EFEMP1: variants seen among roughly 807,000 people sequenced by gnomAD.
EFEMP1 encodes the protein EGF-containing fibulin-like extracellular matrix protein 1.
Under a neutral mutation model 65.7 loss-of-function variants are expected in EFEMP1, and 18 were observed. That is an observed-to-expected ratio of 0.27 (90% confidence interval 0.19 to 0.41). The LOEUF is 0.41. EFEMP1 is among the 10% of genes least tolerant of loss of function. The pLI is 1.00. For missense variants in EFEMP1, 469 were observed against 624.8 expected, an observed-to-expected ratio of 0.75 and a Z score of 2.66; for synonymous variants, 237 against 219.7, an observed-to-expected ratio of 1.08 and a Z score of -0.70.
At chr2:55,876,232 T>G (rs1372986479) in intron 8 of EFEMP1, among the ~76,000 whole-genome samples, 2 of 152,066 alleles carry the variant, frequency 1.3e-5, no homozygotes, top group Non-Finnish European at 1.5e-5. Flanking sequence ...GAAACTTAAA[T>G]GTGCACACCA....
chr2:55,883,287 AT>A lies in EFEMP1; in HGVS notation c.518-1554del, dbSNP rs1358546039. Among the ~76,000 whole-genome samples the A allele has an allele frequency of 6.6e-6, 1 of 152,134 alleles. No individual in the cohort carries two copies. The highest frequency in any genetic ancestry group is 2.4e-5 in the African/African-American group (1 of 41,444). On this transcript the variant is annotated intron_variant, in intron 5 of 11. Transcript: ENST00000355426. This position sits in a 1 kb window ranked among gnomAD's most constrained non-coding sequence, Gnocchi z 4.5. ...ATTTATTATAATTACTACTAGTATT[AT>A]TTTCAAGTCAGTGATTACAAACTGT...
intron 5 of EFEMP1, among the ~76,000 whole-genome samples, chr2:55,892,770 T>C (rs1360888182): frequency 6.6e-6 from 1 of 152,106 alleles, no homozygotes; most frequent in Non-Finnish European, 1.5e-5. Flanking sequence ...ATGCAGTTGA[T>C]GTGTTAAAGG....
In EFEMP1 at chr2:55,881,708, G is replaced by C. The variant is rs747781639; in HGVS notation, c.544C>G (p.His182Asp). ...CACACTTGGTCTGCTCTACAGTTGTGCGTCCCTGCAGTGCACTCGTCTATG... is the reference window on the plus strand; with the variant it reads ...CACACTTGGTCTGCTCTACAGTTGTCCGTCCCTGCAGTGCACTCGTCTATG... The part of the protein sequence containing the change: ...QDIDECTAGT[H>D]NCRADQVCIN... The change falls in exon 6 of 12, where the codon CAC becomes GAC. Residue 182 changes from histidine to aspartate, a missense_variant. Transcript: ENST00000355426. The C allele has an allele frequency of 3.1e-6, 5 of 1,613,786 alleles. No individual in the cohort carries two copies. In the African/African-American group the frequency reaches 6.7e-5, roughly 22 times the overall value.
intron 5 of EFEMP1, among the ~76,000 whole-genome samples, chr2:55,904,320 G>C (rs1262713844): frequency 2.0e-5 from 3 of 152,180 alleles, no homozygotes; most frequent in African/African-American, 7.2e-5. Flanking sequence ...GCAACACCAA[G>C]TCATGAATTT....
At chr2:55,884,069 A>T (rs1200066142) in intron 5 of EFEMP1, among the ~76,000 whole-genome samples, 1 of 152,134 alleles carries the variant, frequency 6.6e-6, no homozygotes, top group Non-Finnish European at 1.5e-5. Flanking sequence ...GACCTCTGTG[A>T]CCAGGAGGCA....
chr2:55,887,277 A>G (rs530625838), intron 5 of EFEMP1, among the ~76,000 whole-genome samples: 2 of 152,322 alleles, frequency 1.3e-5, no homozygotes, highest in South Asian at 2.1e-4. Context: ...CTTATTTCCT[A>G]TGAGTTCTGG....
chr2:55,880,934 C>T (rs1159585424), intron 6 of EFEMP1, among the ~76,000 whole-genome samples: 2 of 152,234 alleles, frequency 1.3e-5, no homozygotes, highest in African/African-American at 2.4e-5. Context: ...AGGGAGCTCA[C>T]GCTCTTAGGC....
In EFEMP1 at chr2:55,885,274, GGTTT is replaced by G. The variant is rs1669383651; in HGVS notation, c.518-3544_518-3541del. Reference sequence around the variant, plus strand: ...TAGAAAATGCTGATAAGACAAAACTGGTTTCCATGAGAAGAATGGCAGACAGATG... The same window carrying G: ...TAGAAAATGCTGATAAGACAAAACTGCCATGAGAAGAATGGCAGACAGATG... On this transcript the variant is annotated intron_variant, in intron 5 of 11. Transcript: ENST00000355426. This position sits in a 1 kb window ranked among gnomAD's most constrained non-coding sequence, Gnocchi z 4.3. Among the ~76,000 whole-genome samples the G allele has an allele frequency of 6.6e-6, 1 of 152,200 alleles. No homozygotes were observed. Among genetic ancestry groups the G allele is most frequent in the African/African-American group, 2.4e-5 (1 of 41,446 alleles).
At chr2:55,880,384 T>G (rs1669195711) in intron 6 of EFEMP1, among the ~76,000 whole-genome samples, 1 of 152,222 alleles carries the variant, frequency 6.6e-6, no homozygotes, top group Non-Finnish European at 1.5e-5. Context: ...TTTTATGCCC[T>G]CAAATATTTA....
At position 55,922,312 on chromosome 2, in the gene EFEMP1, A is replaced by G. The variant is rs1241632630; in HGVS notation, c.81+48T>C. On this transcript the variant is annotated intron_variant, in intron 3 of 11. Coordinates refer to ENST00000355426, the MANE Select transcript of EFEMP1 (RefSeq NM_001039348.3). This position sits in a 1 kb window ranked among gnomAD's most constrained non-coding sequence, Gnocchi z 5.5. ...GGGGTGTGTAAAGTCTTTTTTTGTC[A>G]CAGAATCCCGCTGAACCGTACTTAT... The G allele has an allele frequency of 6.3e-7, 1 of 1,587,246 alleles. No individual in the cohort carries two copies. The highest frequency in any genetic ancestry group is 8.7e-7 in the Non-Finnish European group (1 of 1,156,036).
chr2:55,874,830 A>T, intron 9 of EFEMP1, 116 bp downstream of exon 9: 1 of 1,148,400 alleles, frequency 8.7e-7, no homozygotes, highest in Non-Finnish European at 1.2e-6. Context: ...AAAAGAGCTT[A>T]AATTGTATAT....
intron 5 of EFEMP1, among the ~76,000 whole-genome samples, chr2:55,908,061 C>G (rs949179641): frequency 3.3e-5 from 5 of 152,164 alleles, no homozygotes; most frequent in African/African-American, 1.2e-4. Context: ...TTCCTGAGAG[C>G]TATGACTTTT....
chr2:55,915,827 T>A (rs1013147884), intron 5 of EFEMP1, among the ~76,000 whole-genome samples: 1 of 152,188 alleles, frequency 6.6e-6, no homozygotes, highest in Non-Finnish European at 1.5e-5. Context: ...AGATTTTTTT[T>A]ATCAGTATTA....
chr2:55,913,752 G>T (rs562592465), intron 5 of EFEMP1, among the ~76,000 whole-genome samples: 15 of 152,114 alleles, frequency 9.9e-5, no homozygotes, highest in Non-Finnish European at 2.1e-4. Context: ...GCTCAGGCCT[G>T]TAACACCAGC....
At chr2:55,888,325 CT>C (rs1342817905) in intron 5 of EFEMP1, among the ~76,000 whole-genome samples, 1 of 144,666 alleles carries the variant, frequency 6.9e-6, no homozygotes, top group Non-Finnish European at 1.5e-5. Context: ...TTTTTTTTTC[CT>C]TCTTAAACTT....
intron 5 of EFEMP1, among the ~76,000 whole-genome samples, chr2:55,911,719 A>G (rs931894524): frequency 4.6e-5 from 7 of 152,054 alleles, no homozygotes; most frequent in African/African-American, 1.7e-4. Context: ...TGAATTAGGG[A>G]GGTGTGTAGC....
At chr2:55,910,704 A>G (rs1017000972) in intron 5 of EFEMP1, among the ~76,000 whole-genome samples, 3 of 152,232 alleles carry the variant, frequency 2.0e-5, no homozygotes, top group African/African-American at 7.2e-5. Flanking sequence ...AGTCTTAAAA[A>G]GAATCTCCTC....
Position 55,922,686 on chromosome 2 carries a change from G to T in EFEMP1, c.-8+213C>A. ...ATTGCATTTCACGTTACTCCATCCT[G>T]CTACGCTGTTTACATACAAAAGACA... is the stretch of plus-strand genomic sequence containing the variant. On this transcript the variant is annotated intron_variant, in intron 2 of 11. Coordinates refer to ENST00000355426, the MANE Select transcript of EFEMP1 (RefSeq NM_001039348.3). The surrounding 1 kb of genome is among the most constrained non-coding windows in gnomAD (Gnocchi z 5.5). The T allele has an allele frequency of 2.0e-6, 1 of 494,922 alleles. No individual in the cohort carries two copies. The highest frequency in any genetic ancestry group is 3.6e-6 in the Non-Finnish European group (1 of 278,214). The allele number at this position is 494,922 out of a possible 1,614,324, so 30.7% of individuals were successfully genotyped here. A position where few individuals can be genotyped will look rare whatever the true frequency, so the allele number is the denominator to read the frequency against.
At chr2:55,912,026 A>T (rs762374898) in intron 5 of EFEMP1, among the ~76,000 whole-genome samples, 19 of 152,258 alleles carry the variant, frequency 1.2e-4, no homozygotes, top group Non-Finnish European at 2.6e-4. Context: ...CTCCCCTGTA[A>T]ACTCAACTCT....
Sources: gnomAD v4.1 joint callset for allele counts (sites outside exome capture counted in the v4.1 genomes callset) on GRCh38, gnomAD v4.1.1 for gene constraint, Gnocchi (gnomAD v3.1) non-coding constraint, MANE v1.5 for transcripts, NCBI Gene and HGNC (gene_info 2026-07-23, HGNC 2026-07-21) for gene names.